The following FBXL14 variants were observed in gnomAD, a reference collection of about 807,000 sequenced individuals.
FBXL14 encodes the protein F-box/LRR-repeat protein 14.
Under a neutral mutation model 24.5 loss-of-function variants are expected in FBXL14, and 11 were observed. The ratio of observed to expected loss-of-function variants is 0.45; its 90% CI spans 0.28 to 0.74. FBXL14 has a LOEUF of 0.74. Among genes scored for constraint, FBXL14 ranks in the 30% least tolerant of loss-of-function variants. FBXL14 has a pLI of 0.12. For synonymous variants in FBXL14, 294 were observed against 240.4 expected (o/e 1.22, Z -2.06); for missense variants, 384 against 545.6 (o/e 0.70, Z 2.95).
intron 1 of FBXL14, among the ~76,000 whole-genome samples, chr12:1,575,892 A>C (rs2094454960): frequency 6.6e-6 from 1 of 152,028 alleles, no homozygotes; most frequent in Non-Finnish European, 1.5e-5. Flanking sequence ...CCTCCGCAGG[A>C]TCTTCAGTAG....
At position 1,594,106 on chromosome 12, in the gene FBXL14, G is replaced by T; in HGVS notation, c.-40C>A. 2 of 1,337,714 alleles carry T rather than the reference G, an allele frequency of 1.5e-6. No homozygotes were observed. Among genetic ancestry groups the T allele is most frequent in the South Asian group, 4.0e-5 (2 of 50,354 alleles). 82.9% of individuals were successfully genotyped at this position (1,337,714 alleles called of 1,614,324 possible). A position where few individuals can be genotyped will look rare whatever the true frequency, so the allele number is the denominator to read the frequency against. ...CTCCGCGGCGCTGGGGGGAGGAGGC[G>T]CGGGCCCCGCCGCTCCGGCCTCGGG... On this transcript the variant is annotated 5_prime_UTR_variant, in exon 1 of 2. Transcript: ENST00000339235.
rs1473172242 is a variant in FBXL14, at chr12:1,593,212, A to G, written c.855T>C (p.Asp285=). Residue 285 remains aspartate (D), a synonymous_variant, in exon 1 of 2, where the codon GAT becomes GAC. Transcript: ENST00000339235. This position sits in a 1 kb window ranked among gnomAD's most constrained non-coding sequence, Gnocchi z 7.4. ...AMGSLRLSGL[D]VSFCDKVGDQ... ...CTCCCACCTTGTCACAGAACGAAAC[A>G]TCCAGCCCCGAGAGGCGCAGGCTGC... 3.1e-6 allele frequency: 5 copies of G among 1,613,128 alleles called. No individual in the cohort carries two copies. The highest frequency in any genetic ancestry group is 4.2e-6 in the Non-Finnish European group (5 of 1,180,034).
chr12:1,593,472 C>G lies in FBXL14; in HGVS notation c.595G>C (p.Glu199Gln). 3 of 1,613,916 alleles carry G rather than the reference C, an allele frequency of 1.9e-6. No homozygotes were observed. The highest frequency in any genetic ancestry group is 2.5e-6 in the Non-Finnish European group (3 of 1,180,024). ...AGCTGCTCCAGGCCCAGGCAGCCCT[C>G]CGCCGCGCTGCGCGTCATGCCGGCC... ...HLAGMTRSAA[E>Q]GCLGLEQLTL... Residue 199 changes from glutamate (E) to glutamine (Q), a missense_variant, in exon 1 of 2, where the codon GAG becomes CAG. By Grantham distance (29) the Glu-to-Gln change is conservative (BLOSUM62 2). Transcript: ENST00000339235. This position sits in a 1 kb window ranked among gnomAD's most constrained non-coding sequence, Gnocchi z 7.4.
chr12:1,566,658 T>C lies in FBXL14; in HGVS notation c.*90A>G. ...CCGAGCAGTGACAGGCAGGGAAACC[T>C]GAGCTGTCATCACCAGAGTGCCGGA... On this transcript the variant is annotated 3_prime_UTR_variant, in exon 2 of 2. Transcript: ENST00000339235. 1.3e-6 allele frequency: 1 copy of C among 758,558 alleles called. No individual in the cohort carries two copies. The allele number at this position is 758,558 out of a possible 1,614,324, so 47.0% of individuals were successfully genotyped here.
Position 1,566,056 on chromosome 12 carries a change from G to T in FBXL14, c.*692C>A, listed in dbSNP as rs1200990537. The T allele has an allele frequency of 6.6e-6, 1 of 152,654 alleles. No individual in the cohort carries two copies. The highest frequency in any genetic ancestry group is 1.5e-5 in the Non-Finnish European group (1 of 68,042). The allele number at this position is 152,654 out of a possible 1,614,324, so 9.5% of individuals were successfully genotyped here. ...TTCCCATTAAAATGGAAACCCCGTG[G>T]GGAGAGGAAATGCATCTGTGGAATG... is the stretch of plus-strand genomic sequence containing the variant. On this transcript the variant is annotated 3_prime_UTR_variant, in exon 2 of 2. Transcript: ENST00000339235.
chr12:1,592,514 GACCAGTC>G (rs2154438413), intron 1 of FBXL14, among the ~76,000 whole-genome samples: 1 of 152,244 alleles, frequency 6.6e-6, no homozygotes, highest in African/African-American at 2.4e-5. Flanking sequence ...GGGTTGAAAA[GACCAGTC>G]ACTCCCCACC....
rs933418033 is a variant in FBXL14 at position 1,569,764 on chromosome 12, T to G, written c.1195-2954A>C. Among the ~76,000 whole-genome samples, 8 of 152,242 alleles carry G rather than the reference T, an allele frequency of 5.3e-5. No individual in the cohort carries two copies. Among genetic ancestry groups the G allele is most frequent in the African/African-American group, 1.9e-4 (8 of 41,462 alleles). ...CGAAGTTTGTTTAATGCTCATTTTA[T>G]GCTGTCCCACAGAAAAGACTATTGC... On this transcript the variant is annotated intron_variant, in intron 1 of 1. Coordinates refer to ENST00000339235, the MANE Select transcript of FBXL14 (RefSeq NM_152441.3). This position sits in a 1 kb window ranked among gnomAD's most constrained non-coding sequence, Gnocchi z 4.2.
At chr12:1,591,975 A>G (rs2094491181) in intron 1 of FBXL14, among the ~76,000 whole-genome samples, 1 of 152,112 alleles carries the variant, frequency 6.6e-6, no homozygotes, top group African/African-American at 2.4e-5. Context: ...AATCCCAATG[A>G]ACAAGGAGAA....
rs892968262 is a variant in FBXL14, at chr12:1,593,035, C to T, written c.1032G>A (p.Thr344=). ...CAGCGATCAGCTCCAGGCCCTTGTC[C>T]GTGATGCGCACACACTGTCCAATGT... ...TLNIGQCVRI[T]DKGLELIAEH... The change falls in exon 1 of 2, where the codon ACG becomes ACA. Residue 344 remains threonine, a synonymous_variant. Transcript: ENST00000339235. The surrounding 1 kb of genome is among the most constrained non-coding windows in gnomAD (Gnocchi z 7.4). The T allele has an allele frequency of 6.2e-7, 1 of 1,612,018 alleles. No individual in the cohort carries two copies. Among genetic ancestry groups the T allele is most frequent in the Admixed American group, 1.7e-5 (1 of 59,994 alleles).
Position 1,594,255 on chromosome 12 carries a change from C to G in FBXL14, c.-189G>C, listed in dbSNP as rs1401347078. ...GCCGCCGCTCCTCCTCCTGGTCCGT[C>G]CGTCCTTCCTTCCTGCCGGCTGCGC... On this transcript the variant is annotated 5_prime_UTR_variant, in exon 1 of 2. Transcript: ENST00000339235. 3.6e-5 allele frequency: 7 copies of G among 196,666 alleles called. No individual in the cohort carries two copies. Among genetic ancestry groups the G allele is most frequent in the Non-Finnish European group, 5.7e-5 (6 of 105,092 alleles). The allele number at this position is 196,666 out of a possible 1,614,324, so 12.2% of individuals were successfully genotyped here.
chr12:1,576,192 G>A (rs2094455607), intron 1 of FBXL14, among the ~76,000 whole-genome samples: 1 of 152,148 alleles, frequency 6.6e-6, no homozygotes, highest in African/African-American at 2.4e-5. Flanking sequence ...ATTTGGTTTG[G>A]CCTCCCTGGG....
At position 1,566,390 on chromosome 12, in the gene FBXL14, A is replaced by G. The variant is rs1202091075; in HGVS notation, c.*358T>C. 5.2e-6 allele frequency: 1 copy of G among 191,952 alleles called. No homozygotes were observed. Among genetic ancestry groups the G allele is most frequent in the Non-Finnish European group, 1.1e-5 (1 of 93,948 alleles). The allele number at this position is 191,952 out of a possible 1,614,324, so 11.9% of individuals were successfully genotyped here. A position where few individuals can be genotyped will look rare whatever the true frequency, so the allele number is the denominator to read the frequency against. ...CCCCTGTACATAGATATATGTACACATGTATATATTTATATGTATAAAATT... is the reference window on the plus strand; with the variant it reads ...CCCCTGTACATAGATATATGTACACGTGTATATATTTATATGTATAAAATT... On this transcript the variant is annotated 3_prime_UTR_variant, in exon 2 of 2. Coordinates refer to ENST00000339235, the MANE Select transcript of FBXL14 (RefSeq NM_152441.3).
Position 1,566,632 on chromosome 12 carries a change from C to T in FBXL14, c.*116G>A. ...CAGAAGCCCTGGGCAGCAGCCTCTG[C>T]CCGAGCAGTGACAGGCAGGGAAACC... On this transcript the variant is annotated 3_prime_UTR_variant, in exon 2 of 2. Coordinates refer to ENST00000339235, the MANE Select transcript of FBXL14 (RefSeq NM_152441.3). 1 of 728,084 alleles carries T rather than the reference C, an allele frequency of 1.4e-6. No individual in the cohort carries two copies. The highest frequency in any genetic ancestry group is 1.5e-5 in the South Asian group (1 of 65,970). 45.1% of individuals were successfully genotyped at this position (728,084 alleles called of 1,614,324 possible).
In FBXL14 at chr12:1,593,314, G is replaced by T; in HGVS notation, c.753C>A (p.His251Gln). Residue 251 changes from histidine to glutamine, a missense_variant, in exon 1 of 2, where the codon CAC (histidine) becomes CAA (glutamine). Coordinates refer to ENST00000339235, the MANE Select transcript of FBXL14 (RefSeq NM_152441.3). This position sits in a 1 kb window ranked among gnomAD's most constrained non-coding sequence, Gnocchi z 7.4. Reference protein sequence around the residue: ...ISDAGLLHLSHMGSLRSLNLR... With the variant: ...ISDAGLLHLSQMGSLRSLNLR... ...GGTTGAGGCTGCGCAGGCTGCCCAT[G>T]TGCGACAGGTGCAGGAGGCCAGCGT... The T allele has an allele frequency of 6.2e-7, 1 of 1,613,452 alleles. No individual in the cohort carries two copies.
chr12:1,582,221 GAA>G (rs2094467914), intron 1 of FBXL14, among the ~76,000 whole-genome samples: 1 of 150,554 alleles, frequency 6.6e-6, no homozygotes, highest in Non-Finnish European at 1.5e-5. Context: ...AAAGAAGAAA[GAA>G]AAAGAGAAAG....
At chr12:1,589,691 TC>T (rs1299846978) in intron 1 of FBXL14, among the ~76,000 whole-genome samples, 2 of 152,176 alleles carry the variant, frequency 1.3e-5, no homozygotes, top group African/African-American at 4.8e-5. Flanking sequence ...TTGCTTTCCA[TC>T]CAAAAAGGTT....
At chr12:1,576,259 C>T (rs1347330602) in intron 1 of FBXL14, among the ~76,000 whole-genome samples, 7 of 152,156 alleles carry the variant, frequency 4.6e-5, no homozygotes, top group Non-Finnish European at 1.5e-5. Flanking sequence ...CCGACCAGAG[C>T]AGAAGGCAGG....
At chr12:1,576,650 C>G (rs965711217) in intron 1 of FBXL14, among the ~76,000 whole-genome samples, 2 of 152,142 alleles carry the variant, frequency 1.3e-5, no homozygotes, top group Non-Finnish European at 2.9e-5. Flanking sequence ...AGATTGCAGG[C>G]TGCGGCACAG....
At position 1,593,814 on chromosome 12, in the gene FBXL14, C is replaced by T; in HGVS notation, c.253G>A (p.Val85Met). ...TCGATGTTGGCCATGCCCTGGATCA[C>T]GTAGCTGAGGCTGCGGCGGAGGCTC... is the stretch of plus-strand genomic sequence containing the variant. ...ILSLRRSLSY[V>M]IQGMANIESL... Residue 85 changes from valine to methionine, a missense_variant, in exon 1 of 2, where the codon GTG becomes ATG. Val to Met is a conservative substitution (Grantham distance 21). Transcript: ENST00000339235. This position sits in a 1 kb window ranked among gnomAD's most constrained non-coding sequence, Gnocchi z 7.4. 3.1e-6 allele frequency: 5 copies of T among 1,614,150 alleles called. No homozygotes were observed. The highest frequency in any genetic ancestry group is 4.2e-6 in the Non-Finnish European group (5 of 1,180,014).
Sources: allele counts gnomAD v4.1 joint callset (sites outside exome capture counted in the v4.1 genomes callset), GRCh38; gene constraint gnomAD v4.1.1; non-coding constraint Gnocchi (gnomAD v3.1); transcripts MANE v1.5; gene names NCBI Gene and HGNC (gene_info 2026-07-23, HGNC 2026-07-21).